Variants in DYSF observed in about 807,000 individuals in gnomAD.
DYSF encodes dysferlin.
In DYSF, 212 loss-of-function variants were observed where a neutral mutation model predicts 274.9. The ratio of observed to expected loss-of-function variants is 0.77; its 90% CI spans 0.69 to 0.86. DYSF has a LOEUF of 0.86. DYSF is among the 40% of genes least tolerant of loss of function. The pLI, the probability that DYSF is intolerant of heterozygous loss-of-function variation, is 0.00. For missense variants in DYSF, 2,666 were observed against 2,783.2 expected (o/e 0.96, Z 0.95); for synonymous variants, 1,091 against 1,078.7 (o/e 1.01, Z -0.22).
At chr2:71,543,962 G>A (rs1052115846) in intron 17 of DYSF, among the ~76,000 whole-genome samples, 4 of 148,860 alleles carry the variant, frequency 2.7e-5, no homozygotes, top group African/African-American at 5.2e-5. Context: ...GAGGGAGAGG[G>A]AGACGGAGAG....
chr2:71,558,071 G>A (rs958279375), intron 22 of DYSF, among the ~76,000 whole-genome samples: 2 of 152,052 alleles, frequency 1.3e-5, no homozygotes, highest in East Asian at 1.9e-4. Context: ...TTACAGATAG[G>A]AAACTGAGGC....
At chr2:71,554,976 G>A (rs929829219) in intron 21 of DYSF, among the ~76,000 whole-genome samples, 4 of 152,138 alleles carry the variant, frequency 2.6e-5, no homozygotes, top group African/African-American at 9.7e-5. Context: ...GACATGTGCA[G>A]GCCCTACTGC....
intron 30 of DYSF, among the ~76,000 whole-genome samples, chr2:71,580,676 G>A (rs1444766402): frequency 2.6e-5 from 4 of 152,148 alleles, no homozygotes; most frequent in African/African-American, 4.8e-5. Flanking sequence ...GAATATTCAC[G>A]TTGAGCACCT....
At chr2:71,478,296 C>T (rs1470349196) in intron 1 of DYSF, among the ~76,000 whole-genome samples, 2 of 151,672 alleles carry the variant, frequency 1.3e-5, no homozygotes, top group South Asian at 4.2e-4. Flanking sequence ...ACTGCAAGCC[C>T]CGCCTCCTGG....
intron 22 of DYSF, among the ~76,000 whole-genome samples, chr2:71,560,823 C>T (rs1164315894): frequency 6.6e-6 from 1 of 151,564 alleles, no homozygotes. Flanking sequence ...CCTGGTGGAG[C>T]GGGTTTGACT....
intron 17 of DYSF, among the ~76,000 whole-genome samples, chr2:71,545,779 G>A (rs1320505529): frequency 6.6e-6 from 1 of 152,116 alleles, no homozygotes; most frequent in African/African-American, 2.4e-5. Context: ...CCCCCGACCT[G>A]TCTTCATTTC....
chr2:71,503,250 C>T lies in DYSF; in HGVS notation c.276C>T (p.Val92=), dbSNP rs1423519649. The change falls in exon 4 of 56, where the codon GTC becomes GTT. Residue 92 remains valine, a synonymous_variant. Transcript: ENST00000410020. ...AAGCCAAGGTCCCACTCCGAGAGGT[C>T]CTCGCCACCCCTAGTCTGTCCGCCA... ...LGEAKVPLRE[V]LATPSLSASF... is the part of the protein sequence containing the mutation. 1 of 1,614,106 alleles carries T rather than the reference C, an allele frequency of 6.2e-7. No homozygotes were observed. The highest frequency in any genetic ancestry group is 1.7e-4 in the Middle Eastern group (1 of 6,060).
chr2:71,560,693 C>T (rs1300238143), intron 22 of DYSF, among the ~76,000 whole-genome samples: 3 of 151,926 alleles, frequency 2.0e-5, no homozygotes, highest in African/African-American at 7.3e-5. Context: ...CCGCTGCGCT[C>T]CGGCGGTAAT....
chr2:71,495,327 C>T (rs553686199), intron 3 of DYSF, among the ~76,000 whole-genome samples: 4 of 152,298 alleles, frequency 2.6e-5, no homozygotes, highest in African/African-American at 4.8e-5. Flanking sequence ...TGCCCAGCCA[C>T]GCAGCTGGTC....
chr2:71,468,992 T>C (rs1442397818), intron 1 of DYSF, among the ~76,000 whole-genome samples: 2 of 152,188 alleles, frequency 1.3e-5, no homozygotes, highest in Non-Finnish European at 2.9e-5. Flanking sequence ...CTCACTTGAT[T>C]GTTCCTGAGA....
At chr2:71,532,549 T>G (rs2088847645) in intron 14 of DYSF, among the ~76,000 whole-genome samples, 1 of 152,192 alleles carries the variant, frequency 6.6e-6, no homozygotes, top group Admixed American at 6.5e-5. Flanking sequence ...CAGGCAGTGC[T>G]GGCTGGGGTG....
chr2:71,508,258 C>A (rs57306242), intron 4 of DYSF, among the ~76,000 whole-genome samples: 1 of 152,122 alleles, frequency 6.6e-6, no homozygotes, highest in East Asian at 1.9e-4. Context: ...ATTCTGAACT[C>A]GAGTGTGTGT....
intron 42 of DYSF, among the ~76,000 whole-genome samples, chr2:71,646,410 A>G (rs2094568385): frequency 6.6e-6 from 1 of 152,204 alleles, no homozygotes. Context: ...CATCCAAGTG[A>G]AAATAGGCTG....
intron 21 of DYSF, 122 bp downstream of exon 21, chr2:71,554,053 C>A: frequency 6.8e-7 from 1 of 1,474,594 alleles, no homozygotes; most frequent in Non-Finnish European, 9.4e-7. Context: ...TGCCTACTGA[C>A]CTTTGTGGTT....
chr2:71,597,019 C>T (rs2093423651), intron 32 of DYSF, among the ~76,000 whole-genome samples: 1 of 152,224 alleles, frequency 6.6e-6, no homozygotes, highest in Non-Finnish European at 1.5e-5. Context: ...CACTCCTTGC[C>T]AGCCCCTTTC....
chr2:71,501,824 C>T (rs760127085), intron 3 of DYSF, among the ~76,000 whole-genome samples: 15 of 152,168 alleles, frequency 9.9e-5, no homozygotes, highest in Non-Finnish European at 1.5e-4. Context: ...TTTGCTTACA[C>T]CTCTTGGCTA....
Position 71,667,479 on chromosome 2 carries a change from G to A in DYSF, c.5421G>A (p.Arg1807=), listed in dbSNP as rs1379550901. 1.2e-6 allele frequency: 2 copies of A among 1,614,154 alleles called. No homozygotes were observed. The highest frequency in any genetic ancestry group is 1.7e-6 in the Non-Finnish European group (2 of 1,180,030). Residue 1807 remains arginine, a synonymous_variant, in exon 48 of 56, where the codon CGG becomes CGA. Transcript: ENST00000410020. Reference sequence around the variant, plus strand: ...TGGTCCCGGAGCACGTGGAGTCACGGCCCCTCTACAGCCCCCTGCAGCCAG... The same window carrying A: ...TGGTCCCGGAGCACGTGGAGTCACGACCCCTCTACAGCCCCCTGCAGCCAG... ...QGLVPEHVES[R]PLYSPLQPDI...
intron 45 of DYSF, 73 bp downstream of exon 45, chr2:71,660,724 T>C (rs2094864170): frequency 7.7e-7 from 1 of 1,295,788 alleles, no homozygotes; most frequent in African/African-American, 1.5e-5. Flanking sequence ...GGGGGAGATG[T>C]GACTGGCACT....
At chr2:71,598,804 G>A in intron 33 of DYSF, 59 bp downstream of exon 33, 1 of 1,592,112 alleles carries the variant, frequency 6.3e-7, no homozygotes, top group Non-Finnish European at 8.5e-7. Context: ...TGCAAAGGTG[G>A]GGTCTCCAGG....
Sources: gnomAD v4.1 joint callset for allele counts (sites outside exome capture counted in the v4.1 genomes callset) on GRCh38, gnomAD v4.1.1 for gene constraint, MANE v1.5 for transcripts, NCBI Gene and HGNC (gene_info 2026-07-23, HGNC 2026-07-21) for gene names.